The following ELAVL3 variants were observed in gnomAD, a reference collection of about 807,000 sequenced individuals.
ELAVL3 encodes ELAV-like protein 3.
ELAVL3 carries 8 observed loss-of-function variants against 34.2 expected under a neutral mutation model. The observed-to-expected ratio is 0.23, with a 90% CI of 0.14 to 0.42. The LOEUF (loss-of-function observed/expected upper bound fraction) is 0.42. Among genes scored for constraint, ELAVL3 ranks in the 10% least tolerant of loss-of-function variants. The pLI, the probability that ELAVL3 is intolerant of heterozygous loss-of-function variation, is 1.00. For synonymous variants in ELAVL3, 209 were observed against 222.1 expected (o/e 0.94, Z 0.53); for missense variants, 273 against 518.8 (o/e 0.53, Z 4.60).
At chr19:11,459,430 A>G (rs311782) in intron 3 of ELAVL3, among the ~76,000 whole-genome samples, 22,269 of 149,078 alleles carry the variant, frequency 0.15, 3,321 homozygotes, top group African/African-American at 0.39. Context: ...ACCGCGCCTT[A>G]CCTAATTTTT....
At position 11,466,500 on chromosome 19, in the gene ELAVL3, G is replaced by A; in HGVS notation, c.229+108C>T. On this transcript the variant is annotated intron_variant, in intron 2 of 6. Transcript: ENST00000359227. This position sits in a 1 kb window ranked among gnomAD's most constrained non-coding sequence, Gnocchi z 5.0. ...ACCTCACATCCCTAGACCACCTCCT[G>A]CCTCGATTACCCCCGAGACACCTCA... is the stretch of plus-strand genomic sequence containing the variant. The A allele has an allele frequency of 7.6e-7, 1 of 1,310,818 alleles. No homozygotes were observed. Among genetic ancestry groups the A allele is most frequent in the Non-Finnish European group, 1.1e-6 (1 of 930,774 alleles). The allele number at this position is 1,310,818 out of a possible 1,614,324, so 81.2% of individuals were successfully genotyped here. A position where few individuals can be genotyped will look rare whatever the true frequency, so the allele number is the denominator to read the frequency against.
intron 1 of ELAVL3, among the ~76,000 whole-genome samples, chr19:11,475,051 C>T (rs889621844): frequency 6.6e-6 from 1 of 152,162 alleles, no homozygotes; most frequent in African/African-American, 2.4e-5. Context: ...TGGTCTCGAT[C>T]TCCTGATCTC....
intron 1 of ELAVL3, among the ~76,000 whole-genome samples, chr19:11,471,921 G>C (rs987509045): frequency 6.6e-6 from 1 of 152,218 alleles, no homozygotes; most frequent in Non-Finnish European, 1.5e-5. Context: ...AGCCACTTCA[G>C]AAATCAGCAG....
chr19:11,465,588 AC>A (rs555422256), intron 3 of ELAVL3, among the ~76,000 whole-genome samples: 3 of 140,532 alleles, frequency 2.1e-5, no homozygotes, highest in Middle Eastern at 3.7e-3. Context: ...CAGATGGGCC[AC>A]CCCCCCGACC....
intron 1 of ELAVL3, among the ~76,000 whole-genome samples, chr19:11,469,086 CTTTT>C (rs972356753): frequency 6.6e-6 from 1 of 151,322 alleles, no homozygotes; most frequent in Non-Finnish European, 1.5e-5. Context: ...AGCCTGGCTA[CTTTT>C]TTTTTCTTTG....
intron 1 of ELAVL3, among the ~76,000 whole-genome samples, chr19:11,477,856 C>T (rs1398159601): frequency 6.6e-6 from 1 of 152,026 alleles, no homozygotes; most frequent in African/African-American, 2.4e-5. Context: ...GCCCCGCTAA[C>T]TTTTTATATT....
intron 3 of ELAVL3, among the ~76,000 whole-genome samples, chr19:11,461,016 A>G (rs1202247362): frequency 1.8e-5 from 2 of 113,392 alleles, no homozygotes; most frequent in African/African-American, 8.4e-5. Flanking sequence ...CTACAAAAAA[A>G]AAAAAAAAAA....
intron 1 of ELAVL3, among the ~76,000 whole-genome samples, chr19:11,469,068 C>T (rs1004449926): frequency 1.3e-5 from 2 of 152,030 alleles, no homozygotes; most frequent in East Asian, 1.9e-4. Flanking sequence ...TACAGGTATG[C>T]GCCTCCAAGC....
rs980757475 is a variant in ELAVL3 at position 11,453,013 on chromosome 19, G to C, written c.*1513C>G. On this transcript the variant is annotated 3_prime_UTR_variant, in exon 7 of 7. Transcript: ENST00000359227. ...GAAAGGAGTGTGGGGCTGGGCCTTT[G>C]GGCCCATCCACCCCACCCTGGGCCT... The C allele has an allele frequency of 2.0e-5, 3 of 152,196 alleles. No homozygotes were observed. The highest frequency in any genetic ancestry group is 4.4e-5 in the Non-Finnish European group (3 of 68,050). The allele number at this position is 152,196 out of a possible 1,614,324, so 9.4% of individuals were successfully genotyped here. A position where few individuals can be genotyped will look rare whatever the true frequency, so the allele number is the denominator to read the frequency against.
Position 11,458,448 on chromosome 19 carries a change from AC to A in ELAVL3, c.487+9del, listed in dbSNP as rs764843877. On this transcript the variant is annotated intron_variant, in intron 4 of 6. Transcript: ENST00000359227. The surrounding 1 kb of genome is among the most constrained non-coding windows in gnomAD (Gnocchi z 7.3). ...GCCCCCGCCAGGTGCACCCTCCCTG[AC>A]TGCCTGACCTGTGACCTGGTCCACC... 3.1e-6 allele frequency: 5 copies of A among 1,613,900 alleles called. No individual in the cohort carries two copies. The South Asian group carries it at 5.5e-5, about 18-fold the overall frequency.
intron 1 of ELAVL3, among the ~76,000 whole-genome samples, chr19:11,476,932 A>T (rs1012798009): frequency 2.0e-5 from 3 of 152,056 alleles, no homozygotes; most frequent in Non-Finnish European, 2.9e-5. Flanking sequence ...AAATAAAAAA[A>T]AAAGAATTCA....
chr19:11,465,156 CACAT>C (rs1971014943), intron 3 of ELAVL3, among the ~76,000 whole-genome samples: 5 of 148,238 alleles, frequency 3.4e-5, no homozygotes, highest in Admixed American at 6.8e-5. Flanking sequence ...ACACACCACA[CACAT>C]ACACATACCA....
chr19:11,465,752 G>A (rs2144896459), intron 3 of ELAVL3, among the ~76,000 whole-genome samples: 1 of 152,172 alleles, frequency 6.6e-6, no homozygotes, highest in African/African-American at 2.4e-5. Flanking sequence ...GAGGTCCTGG[G>A]GGAGGGGCGT....
intron 6 of ELAVL3, among the ~76,000 whole-genome samples, chr19:11,455,730 G>A (rs1017115674): frequency 6.6e-6 from 1 of 152,124 alleles, no homozygotes; most frequent in Non-Finnish European, 1.5e-5. Context: ...ACTGCACCCG[G>A]CTTTCCTTTT....
rs113655792 is a variant in ELAVL3 at position 11,463,406 on chromosome 19, C to T, written c.333+2766G>A. 3.2e-3 allele frequency among the ~76,000 whole-genome samples: 484 copies of T among 152,280 alleles called. 1 individual carries two copies. Among genetic ancestry groups the T allele is most frequent in the African/African-American group, 0.011 (448 of 41,548 alleles). On this transcript the variant is annotated intron_variant, in intron 3 of 6. Coordinates refer to ENST00000359227, the MANE Select transcript of ELAVL3 (RefSeq NM_001420.4). The stretch of plus-strand genomic sequence containing the variant: ...TGCACAGCCTCAGAGATGAAACCAG[C>T]CAGAGGGTGACACAGGCCACTGTCA...
chr19:11,465,502 C>CA (rs1326297008), intron 3 of ELAVL3, among the ~76,000 whole-genome samples: 11 of 152,008 alleles, frequency 7.2e-5, no homozygotes, highest in Non-Finnish European at 1.5e-4. Flanking sequence ...TTCACTCCCC[C>CA]ACCCCAATCC....
At position 11,458,052 on chromosome 19, in the gene ELAVL3, G is replaced by A. The variant is rs186480972; in HGVS notation, c.713+9C>T. On this transcript the variant is annotated intron_variant, in intron 5 of 6. Transcript: ENST00000359227. The surrounding 1 kb of genome is among the most constrained non-coding windows in gnomAD (Gnocchi z 7.3). ...CGGCCTGGGGCCATCTGGCTGGCAG[G>A]GGGCTCACCGGAAACGCTGGGTCTG... 1.4e-5 allele frequency: 22 copies of A among 1,610,146 alleles called. No homozygotes were observed. Among genetic ancestry groups the A allele is most frequent in the Non-Finnish European group, 1.7e-6 (2 of 1,179,846 alleles).
rs1971352220 is a variant in ELAVL3 at position 11,480,410 on chromosome 19, C to T, written c.9+190G>A. On this transcript the variant is annotated intron_variant, in intron 1 of 6. Coordinates refer to ENST00000359227, the MANE Select transcript of ELAVL3 (RefSeq NM_001420.4). The surrounding 1 kb of genome is among the most constrained non-coding windows in gnomAD (Gnocchi z 6.8). ...CTCCCTAAGGCCCTCTCAGACCAAGCTCTAAGCGCCCTCAGCACTCTGGGC... is the reference window on the plus strand; with the variant it reads ...CTCCCTAAGGCCCTCTCAGACCAAGTTCTAAGCGCCCTCAGCACTCTGGGC... 1 of 598,320 alleles carries T rather than the reference C, an allele frequency of 1.7e-6. No individual in the cohort carries two copies. Among genetic ancestry groups the T allele is most frequent in the Non-Finnish European group, 2.6e-6 (1 of 388,656 alleles). The allele number at this position is 598,320 out of a possible 1,614,324, so 37.1% of individuals were successfully genotyped here.
rs1229326070 is a variant in ELAVL3 at position 11,466,265 on chromosome 19, A to C, written c.240T>G (p.Leu80=). ...LVRDKITGQS[L]GYGFVNYSDP... ...CAGAATAGTTCACAAACCCGTAGCC[A>C]AGGCTCTGCCCTGTGGGCAGAACCA... Residue 80 remains leucine (L), a synonymous_variant, in exon 3 of 7, where the codon CTT becomes CTG. Transcript: ENST00000359227. The surrounding 1 kb of genome is among the most constrained non-coding windows in gnomAD (Gnocchi z 5.0). 1 of 1,613,578 alleles carries C rather than the reference A, an allele frequency of 6.2e-7. No homozygotes were observed. Among genetic ancestry groups the C allele is most frequent in the Non-Finnish European group, 8.5e-7 (1 of 1,179,818 alleles).
Sources: allele counts gnomAD v4.1 joint callset (sites outside exome capture counted in the v4.1 genomes callset), GRCh38; gene constraint gnomAD v4.1.1; non-coding constraint Gnocchi (gnomAD v3.1); transcripts MANE v1.5; gene names NCBI Gene and HGNC (gene_info 2026-07-23, HGNC 2026-07-21).